The following MAP4 variants were observed in gnomAD, a reference collection of about 807,000 sequenced individuals.
MAP4 encodes microtubule associated protein 4, also known as microtubule-associated protein 4.
MAP4 carries 76 observed loss-of-function variants against 170.2 expected under a neutral mutation model. The observed-to-expected ratio is 0.45, with a 90% CI of 0.37 to 0.54. The LOEUF (loss-of-function observed/expected upper bound fraction) is 0.54. MAP4 is among the 20% of genes least tolerant of loss of function. The pLI is 0.00. For synonymous variants in MAP4, 909 were observed against 994.5 expected (o/e 0.91, Z 1.62); for missense variants, 2,506 against 2,748.0 (o/e 0.91, Z 1.97).
At chr3:47,939,543 G>A (rs2100055000) in intron 3 of MAP4, among the ~76,000 whole-genome samples, 1 of 151,898 alleles carries the variant, frequency 6.6e-6, no homozygotes. Flanking sequence ...AAAGTGATTT[G>A]CATTTATTAT....
At chr3:48,080,120 A>G (rs2100145895) in intron 1 of MAP4, among the ~76,000 whole-genome samples, 1 of 152,244 alleles carries the variant, frequency 6.6e-6, no homozygotes, top group Non-Finnish European at 1.5e-5. Flanking sequence ...AGTTGAGATT[A>G]GAGCTACAGG....
At chr3:47,999,344 G>C (rs1413810959) in intron 1 of MAP4, among the ~76,000 whole-genome samples, 1 of 151,878 alleles carries the variant, frequency 6.6e-6, no homozygotes, top group Non-Finnish European at 1.5e-5. Flanking sequence ...TGAATCACTT[G>C]TGGATAGTCC....
At chr3:47,941,611 A>G (rs375418832) in intron 3 of MAP4, among the ~76,000 whole-genome samples, 2 of 150,792 alleles carry the variant, frequency 1.3e-5, no homozygotes, top group African/African-American at 4.9e-5. Context: ...CACAGTCTCT[A>G]CTAAAAAAAC....
chr3:47,907,218 T>C (rs1188884028), intron 9 of MAP4, among the ~76,000 whole-genome samples: 2 of 152,206 alleles, frequency 1.3e-5, no homozygotes, highest in East Asian at 3.8e-4. Flanking sequence ...ATACGTCTCA[T>C]TTATATGAAA....
intron 3 of MAP4, among the ~76,000 whole-genome samples, chr3:47,932,113 C>T (rs998257173): frequency 1.3e-5 from 2 of 152,150 alleles, no homozygotes; most frequent in African/African-American, 4.8e-5. Flanking sequence ...CCTCGGTAAC[C>T]ACTCGTCTAC....
intron 1 of MAP4, among the ~76,000 whole-genome samples, chr3:48,006,709 T>C (rs1429287701): frequency 1.3e-5 from 2 of 152,226 alleles, no homozygotes. Flanking sequence ...CATCAAGGAC[T>C]TGAAAGATGC....
chr3:48,056,418 C>T (rs2100131628), intron 1 of MAP4, among the ~76,000 whole-genome samples: 4 of 91,900 alleles, frequency 4.4e-5, no homozygotes, highest in African/African-American at 8.7e-5. Context: ...CCCGGCCAGC[C>T]GCCCCGTCCG....
intron 1 of MAP4, among the ~76,000 whole-genome samples, chr3:48,023,381 A>G (rs1323407090): frequency 2.0e-5 from 3 of 152,244 alleles, no homozygotes; most frequent in Admixed American, 6.5e-5. Context: ...ACAAATGAAC[A>G]TGTACAATAT....
intron 2 of MAP4, among the ~76,000 whole-genome samples, chr3:47,997,108 A>C (rs1001798201): frequency 6.6e-6 from 1 of 151,988 alleles, no homozygotes; most frequent in Non-Finnish European, 1.5e-5. Context: ...CCAACAATGC[A>C]TCCAAGAGAT....
At chr3:48,007,192 G>T (rs1232534248) in intron 1 of MAP4, among the ~76,000 whole-genome samples, 1 of 152,226 alleles carries the variant, frequency 6.6e-6, no homozygotes, top group Non-Finnish European at 1.5e-5. Flanking sequence ...ACATTTGCAT[G>T]CCAGAGGATG....
At position 47,871,265 on chromosome 3, in the gene MAP4, G is replaced by T. The variant is rs542341878; in HGVS notation, c.5963C>A (p.Pro1988His). ...KPTAIKTEGKPAEVKKMTAKS... is the reference protein window; with the variant it reads ...KPTAIKTEGKHAEVKKMTAKS... The stretch of plus-strand genomic sequence containing the variant: ...TGCAGTCATCTTCTTGACTTCTGCA[G>T]GTTTTCCCTCAGTCTTAATGGCTGT... Residue 1988 changes from proline to histidine, a missense_variant, in exon 14 of 21, where the codon CCT becomes CAT. Physicochemically the swap from Pro to His is moderately conservative, Grantham distance 77 (BLOSUM62 -2). Around this residue, in one of 3 missense-constraint regions of MAP4, gnomAD observed 487 missense variants for 511.6 expected, o/e 0.95. Transcript: ENST00000683076. 14 of 1,614,138 alleles carry T rather than the reference G, an allele frequency of 8.7e-6. No individual in the cohort carries two copies. The South Asian group carries it at 1.5e-4, about 18-fold the overall frequency.
intron 10 of MAP4, among the ~76,000 whole-genome samples, chr3:47,899,289 A>G (rs2100028769): frequency 6.6e-6 from 1 of 152,112 alleles, no homozygotes; most frequent in Non-Finnish European, 1.5e-5. Context: ...GTCCCAGCTA[A>G]TCACCACACC....
chr3:48,017,627 A>T (rs578238554), upstream of MAP4, among the ~76,000 whole-genome samples: 3 of 151,992 alleles, frequency 2.0e-5, no homozygotes, highest in East Asian at 5.8e-4. Flanking sequence ...ACCATCTACC[A>T]TCTTACATTA....
In MAP4 at chr3:47,899,828, T is replaced by C. The variant is rs2100029077; in HGVS notation, c.5434+3122A>G. 2.6e-5 allele frequency among the ~76,000 whole-genome samples: 4 copies of C among 152,232 alleles called. No individual in the cohort carries two copies. The South Asian group carries it at 8.3e-4, about 31-fold the overall frequency. On this transcript the variant is annotated intron_variant, in intron 10 of 20. Transcript: ENST00000683076. Reference sequence around the variant, plus strand: ...TGAGCTAAATATTGTGAAGTTCTATTCCATTCTGTCTGAGTTTGAAGAAAG... The same window carrying C: ...TGAGCTAAATATTGTGAAGTTCTATCCCATTCTGTCTGAGTTTGAAGAAAG...
upstream of MAP4, among the ~76,000 whole-genome samples, chr3:48,020,364 A>G (rs576348498): frequency 3.3e-5 from 5 of 152,342 alleles, no homozygotes; most frequent in South Asian, 4.1e-4. Flanking sequence ...GCTCTGCTCC[A>G]TACCATACCA....
At chr3:47,953,717 A>G (rs1553657261) in intron 3 of MAP4, among the ~76,000 whole-genome samples, 1 of 133,392 alleles carries the variant, frequency 7.5e-6, no homozygotes, top group Non-Finnish European at 1.6e-5. Context: ...TCAGGCATTG[A>G]GAAATCCATT....
At chr3:47,977,746 C>T (rs886326040) in intron 3 of MAP4, 119 bp downstream of exon 3, 57 of 698,966 alleles carry the variant, frequency 8.2e-5, no homozygotes, top group South Asian at 1.6e-4. Flanking sequence ...AACAAGAACA[C>T]TACCACCCTC....
intron 1 of MAP4, among the ~76,000 whole-genome samples, chr3:48,061,831 A>AG (rs1289422637): frequency 9.0e-6 from 1 of 111,458 alleles, no homozygotes; most frequent in African/African-American, 3.7e-5. Context: ...CCCATCCGGG[A>AG]GGGAGGTGGG....
chr3:47,862,346 CAAAAAAAAAAA>C (rs57751818), intron 17 of MAP4, among the ~76,000 whole-genome samples: 13 of 52,376 alleles, frequency 2.5e-4, no homozygotes, highest in Non-Finnish European at 3.5e-4. Context: ...GACTGTGTCT[CAAAAAAAAAAA>C]AAAAAAAAAA....
Sources: allele counts gnomAD v4.1 joint callset (sites outside exome capture counted in the v4.1 genomes callset), GRCh38; gene constraint gnomAD v4.1.1; regional missense constraint gnomAD v4.1.1; transcripts MANE v1.5; gene names NCBI Gene and HGNC (gene_info 2026-07-23, HGNC 2026-07-21).